EML1: variants seen among roughly 807,000 people sequenced by gnomAD.
EML1 encodes echinoderm microtubule-associated protein-like 1.
Under a neutral mutation model 110.4 loss-of-function variants are expected in EML1, and 27 were observed. The ratio of observed to expected loss-of-function variants is 0.24; its 90% CI spans 0.18 to 0.34. The LOEUF (loss-of-function observed/expected upper bound fraction) is 0.34. Ranked by LOEUF, EML1 falls within the 10% of genes least tolerant of loss-of-function variation. EML1 has a pLI of 1.00. For synonymous variants in EML1, 344 were observed against 385.8 expected (o/e 0.89, Z 1.27); for missense variants, 741 against 1,030.9 (o/e 0.72, Z 3.85).
intron 1 of EML1, among the ~76,000 whole-genome samples, chr14:99,780,363 C>T (rs2057526252): frequency 6.6e-6 from 1 of 152,104 alleles, no homozygotes; most frequent in African/African-American, 2.4e-5. Context: ...TTTGGGGGTT[C>T]TCTGTGGGGA....
At chr14:99,817,256 A>G (rs1439896152) in intron 1 of EML1, among the ~76,000 whole-genome samples, 1 of 152,188 alleles carries the variant, frequency 6.6e-6, no homozygotes, top group Non-Finnish European at 1.5e-5. Flanking sequence ...TTCAAGTGAA[A>G]ATGATGTTCC....
chr14:99,884,098 G>C (rs1207816902), intron 4 of EML1, among the ~76,000 whole-genome samples: 1 of 152,162 alleles, frequency 6.6e-6, no homozygotes, highest in Non-Finnish European at 1.5e-5. Flanking sequence ...TGCCTCACAG[G>C]GTGCCTAAGA....
chr14:99,926,724 C>T (rs941837289), intron 17 of EML1, among the ~76,000 whole-genome samples: 5 of 151,562 alleles, frequency 3.3e-5, no homozygotes, highest in African/African-American at 4.9e-5. Context: ...GGACTACAGG[C>T]GTGTGCCACT....
At chr14:99,886,572 C>T (rs2059479244) in intron 4 of EML1, among the ~76,000 whole-genome samples, 1 of 152,178 alleles carries the variant, frequency 6.6e-6, no homozygotes, top group Admixed American at 6.5e-5. Flanking sequence ...GGAATGGACT[C>T]CTCCTCTATC....
At chr14:99,866,059 C>T (rs924932300) in intron 3 of EML1, among the ~76,000 whole-genome samples, 1 of 152,214 alleles carries the variant, frequency 6.6e-6, no homozygotes, top group African/African-American at 2.4e-5. Flanking sequence ...ATGTACCCAA[C>T]AATGGAGTCT....
chr14:99,924,270 G>T (rs555209655), intron 17 of EML1, among the ~76,000 whole-genome samples: 13 of 152,166 alleles, frequency 8.5e-5, no homozygotes, highest in African/African-American at 2.9e-4. Flanking sequence ...ATTGAATTTT[G>T]CACGTAGATC....
rs2060541528 is a variant in EML1 at position 99,939,537 on chromosome 14, C to T, written c.2322+210C>T. ...ACCCACAAAGCCGTTCAGAGCTGCTCATCCACCTCTGCAGCCCCACAGGCT... is the reference window on the plus strand; with the variant it reads ...ACCCACAAAGCCGTTCAGAGCTGCTTATCCACCTCTGCAGCCCCACAGGCT... On this transcript the variant is annotated intron_variant, in intron 21 of 21. Coordinates refer to ENST00000262233, the MANE Select transcript of EML1 (RefSeq NM_004434.3). The surrounding 1 kb of genome is among the most constrained non-coding windows in gnomAD (Gnocchi z 4.2). 6.6e-6 allele frequency among the ~76,000 whole-genome samples: 1 copy of T among 152,092 alleles called. No individual in the cohort carries two copies. Among genetic ancestry groups the T allele is most frequent in the Non-Finnish European group, 1.5e-5 (1 of 68,010 alleles).
intron 1 of EML1, among the ~76,000 whole-genome samples, chr14:99,756,446 C>T (rs2057256028): frequency 6.6e-6 from 1 of 152,224 alleles, no homozygotes; most frequent in South Asian, 2.1e-4. Context: ...CGCGGGAGGC[C>T]TCTGTCTGGG....
chr14:99,844,664 C>T (rs1344209460), intron 1 of EML1, among the ~76,000 whole-genome samples: 1 of 152,136 alleles, frequency 6.6e-6, no homozygotes, highest in East Asian at 1.9e-4. Flanking sequence ...ATTCCAATTA[C>T]CTTCAAAATT....
At chr14:99,924,549 C>G (rs781117568) in intron 17 of EML1, among the ~76,000 whole-genome samples, 27 of 152,304 alleles carry the variant, frequency 1.8e-4, no homozygotes, top group Non-Finnish European at 3.7e-4. Context: ...AATATGGTTT[C>G]TCTTTCAGAA....
chr14:99,914,227 G>A lies in EML1; in HGVS notation c.1543G>A (p.Asp515Asn), dbSNP rs182337671. The change falls in exon 14 of 22, where the codon GAT becomes AAT. Residue 515 changes from aspartate (D) to asparagine (N), a missense_variant. Transcript: ENST00000262233. Reference protein sequence around the residue: ...PIRTVAEGKGDVILIGTTRNF... With the variant: ...PIRTVAEGKGNVILIGTTRNF... ...ACGGACAGTGGCCGAGGGGAAAGGC[G>A]ATGTGATCTTGATTGGCACAACTCG... is the stretch of plus-strand genomic sequence containing the variant. 8.3e-5 allele frequency: 134 copies of A among 1,614,012 alleles called. 1 individual carries two copies. The Admixed American group carries it at 2.0e-3, about 24-fold the overall frequency.
chr14:99,873,729 C>T (rs943396480), intron 3 of EML1, among the ~76,000 whole-genome samples: 1 of 152,146 alleles, frequency 6.6e-6, no homozygotes, highest in African/African-American at 2.4e-5. Context: ...TGGATTTTGC[C>T]GAAGATCAGT....
chr14:99,919,206 C>G (rs2060084951), intron 16 of EML1, among the ~76,000 whole-genome samples: 1 of 152,146 alleles, frequency 6.6e-6, no homozygotes, highest in African/African-American at 2.4e-5. Context: ...TATACATTTA[C>G]TGTGGTTTCA....
intron 1 of EML1, chr14:99,809,818 T>C: frequency 9.0e-6 from 4 of 443,400 alleles, no homozygotes; most frequent in South Asian, 4.8e-5. Context: ...TGCTTTTCTG[T>C]AGAGGTATTT....
chr14:99,894,604 A>T (rs780594449), intron 5 of EML1, 25 bp from the exon 6 acceptor site: 3 of 1,605,474 alleles, frequency 1.9e-6, no homozygotes, highest in Non-Finnish European at 2.6e-6. Flanking sequence ...GAGGTATCTT[A>T]CTGAAATCTT....
At chr14:99,922,218 C>G (rs576576925) in intron 17 of EML1, among the ~76,000 whole-genome samples, 1 of 151,818 alleles carries the variant, frequency 6.6e-6, no homozygotes, top group Non-Finnish European at 1.5e-5. Flanking sequence ...CAGGTTCAAG[C>G]GATTCTTCTG....
At chr14:99,796,406 C>G (rs1301540851) in intron 1 of EML1, among the ~76,000 whole-genome samples, 2 of 151,858 alleles carry the variant, frequency 1.3e-5, no homozygotes, top group African/African-American at 4.8e-5. Flanking sequence ...CTTTCAGGAA[C>G]TGTCTTTCTC....
At chr14:99,836,958 C>G (rs117344155) in intron 1 of EML1, among the ~76,000 whole-genome samples, 1 of 151,718 alleles carries the variant, frequency 6.6e-6, no homozygotes, top group Non-Finnish European at 1.5e-5. Flanking sequence ...AAGAACTATT[C>G]CCAGCTCTAG....
At chr14:99,832,736 G>A (rs111326641) in intron 1 of EML1, among the ~76,000 whole-genome samples, 1 of 152,094 alleles carries the variant, frequency 6.6e-6, no homozygotes, top group African/African-American at 2.4e-5. Context: ...GTTGAGCTTT[G>A]AGAATGCTTC....
Sources: gnomAD v4.1 joint callset for allele counts (sites outside exome capture counted in the v4.1 genomes callset) on GRCh38, gnomAD v4.1.1 for gene constraint, Gnocchi (gnomAD v3.1) non-coding constraint, MANE v1.5 for transcripts, NCBI Gene and HGNC (gene_info 2026-07-23, HGNC 2026-07-21) for gene names.